The following ZNF723 variants were observed in gnomAD, a reference collection of about 807,000 sequenced individuals.
ZNF723 encodes the protein zinc finger protein 723.
A neutral mutation model predicts 9.4 loss-of-function variants in ZNF723; 5 were observed. The observed-to-expected ratio is 0.53, with a 90% CI of 0.28 to 1.12. ZNF723 has a LOEUF of 1.12. ZNF723 is among the 50% of genes most tolerant of loss of function. The pLI, the probability that ZNF723 is intolerant of heterozygous loss-of-function variation, is 0.10. For missense variants in ZNF723, 450 were observed against 501.5 expected (o/e 0.90, Z 0.98); for synonymous variants, 158 against 168.8 (o/e 0.94, Z 0.49).
chr19:22,816,132 T>C, the ZNF723 span, among the ~76,000 whole-genome samples: 1 of 152,200 alleles, frequency 6.6e-6, no homozygotes, highest in Non-Finnish European at 1.5e-5. Context: ...CAGAGCATAT[T>C]GTGACTTTAA....
chr19:22,848,176 T>C (rs1180287474), intron 1 of ZNF723, 85 bp from the exon 2 acceptor site: 6 of 541,180 alleles, frequency 1.1e-5, no homozygotes, highest in African/African-American at 2.0e-5. Flanking sequence ...CTTTACTCTC[T>C]CATTTCACCT....
the ZNF723 span, among the ~76,000 whole-genome samples, chr19:22,823,380 A>G: frequency 2.0e-5 from 3 of 152,224 alleles, no homozygotes; most frequent in Non-Finnish European, 4.4e-5. Context: ...TGTGACTCTC[A>G]TATGAGGATC....
chr19:22,853,994 T>G (rs1967434532), intron 3 of ZNF723, among the ~76,000 whole-genome samples: 1 of 152,198 alleles, frequency 6.6e-6, no homozygotes, highest in South Asian at 2.1e-4. Context: ...TGTTTTATAC[T>G]CTCTTCAAAT....
chr19:22,854,995 T>A (rs1967453692), intron 3 of ZNF723, among the ~76,000 whole-genome samples: 1 of 151,962 alleles, frequency 6.6e-6, no homozygotes, highest in African/African-American at 2.4e-5. Context: ...CACAGTGAGC[T>A]GAGATTGTGC....
At chr19:22,842,459 A>G (rs768168738) in intron 1 of ZNF723, among the ~76,000 whole-genome samples, 45 of 152,164 alleles carry the variant, frequency 3.0e-4, no homozygotes, top group Admixed American at 1.2e-3. Flanking sequence ...TGTAAATATA[A>G]TAAAAATTTC....
At chr19:22,824,037 C>G in the ZNF723 span, among the ~76,000 whole-genome samples, 1,277 of 152,362 alleles carry the variant, frequency 8.4e-3, 18 homozygotes, top group African/African-American at 0.03. Flanking sequence ...TAATTTGAGT[C>G]TTCTCTGCTG....
chr19:22,836,878 A>G (rs1187539789), intron 1 of ZNF723, among the ~76,000 whole-genome samples: 1 of 152,148 alleles, frequency 6.6e-6, no homozygotes, highest in Non-Finnish European at 1.5e-5. Context: ...CCTGGGTTGT[A>G]TCTTTTATTA....
At chr19:22,846,417 G>A (rs996153786) in intron 1 of ZNF723, among the ~76,000 whole-genome samples, 4 of 152,190 alleles carry the variant, frequency 2.6e-5, no homozygotes, top group Non-Finnish European at 4.4e-5. Flanking sequence ...GAGGTCAGGA[G>A]TTCAAGAGCA....
chr19:22,851,042 A>G lies in ZNF723; in HGVS notation c.226+1749A>G, dbSNP rs75483050. ...ATCTTGTGTATCTATTAATAAATGT[A>G]GGCAGATTTAAGTGTTGTTTTTTCT... On this transcript the variant is annotated intron_variant, in intron 3 of 3. Coordinates refer to ENST00000600766, the MANE Select transcript of ZNF723 (RefSeq NM_001349726.2). 8.2e-3 allele frequency among the ~76,000 whole-genome samples: 1,242 copies of G among 152,260 alleles called. 19 individuals carry two copies. The highest frequency in any genetic ancestry group is 0.029 in the African/African-American group (1,194 of 41,576).
chr19:22,825,737 C>T, the ZNF723 span, among the ~76,000 whole-genome samples: 2 of 152,156 alleles, frequency 1.3e-5, no homozygotes, highest in Admixed American at 6.5e-5. Flanking sequence ...GCCCAGCACC[C>T]AGGTGAAGTG....
intron 3 of ZNF723, among the ~76,000 whole-genome samples, chr19:22,855,801 A>G (rs913669255): frequency 3.3e-5 from 5 of 152,130 alleles, no homozygotes; most frequent in African/African-American, 1.2e-4. Flanking sequence ...TAAGTGATAC[A>G]TCACTTTTTT....
At chr19:22,841,813 A>G (rs929746016) in intron 1 of ZNF723, among the ~76,000 whole-genome samples, 3 of 152,152 alleles carry the variant, frequency 2.0e-5, no homozygotes, top group African/African-American at 7.2e-5. Flanking sequence ...TTGCTAAAAT[A>G]CCCACAAATA....
At chr19:22,835,301 CAA>C (rs756697965) in intron 1 of ZNF723, among the ~76,000 whole-genome samples, 17 of 151,876 alleles carry the variant, frequency 1.1e-4, no homozygotes, top group Non-Finnish European at 2.1e-4. Context: ...TTCAGCCTCC[CAA>C]AGTGTTGGGA....
the ZNF723 span, among the ~76,000 whole-genome samples, chr19:22,820,545 T>C: frequency 6.6e-6 from 1 of 152,208 alleles, no homozygotes; most frequent in Non-Finnish European, 1.5e-5. Flanking sequence ...TTGTGACATA[T>C]GTCTTTGTTC....
chr19:22,842,776 A>G (rs1967265049), intron 1 of ZNF723, among the ~76,000 whole-genome samples: 1 of 152,174 alleles, frequency 6.6e-6, no homozygotes, highest in Non-Finnish European at 1.5e-5. Flanking sequence ...CCCACCTAGA[A>G]TCTGCAAATA....
intron 1 of ZNF723, among the ~76,000 whole-genome samples, chr19:22,845,323 A>C (rs969664384): frequency 7.2e-5 from 11 of 152,172 alleles, no homozygotes; most frequent in African/African-American, 2.7e-4. Flanking sequence ...TGGATTACTT[A>C]GATGTGGATA....
the ZNF723 span, among the ~76,000 whole-genome samples, chr19:22,825,327 A>G: frequency 2.0e-5 from 3 of 152,232 alleles, no homozygotes; most frequent in Non-Finnish European, 2.9e-5. Context: ...GTACTTGCAC[A>G]TAACTCACAG....
chr19:22,827,434 T>G (rs373374993), upstream of ZNF723, among the ~76,000 whole-genome samples: 155 of 98,076 alleles, frequency 1.6e-3, 1 homozygote, highest in African/African-American at 4.6e-3. Context: ...TATTTTTTTT[T>G]TTTGTTTTTT....
At chr19:22,848,070 C>T (rs1967338517) in intron 1 of ZNF723, among the ~76,000 whole-genome samples, 191 bp from the exon 2 acceptor site, 1 of 150,734 alleles carries the variant, frequency 6.6e-6, no homozygotes, top group Non-Finnish European at 1.5e-5. Context: ...CCATTGTACT[C>T]CAGCCTGGGC....
Sources: gnomAD v4.1 joint callset for allele counts (sites outside exome capture counted in the v4.1 genomes callset) on GRCh38, gnomAD v4.1.1 for gene constraint, MANE v1.5 for transcripts, NCBI Gene and HGNC (gene_info 2026-07-23, HGNC 2026-07-21) for gene names.